ATRNL1: variants seen among roughly 807,000 people sequenced by gnomAD.
The protein encoded by ATRNL1 is attractin like 1.
A neutral mutation model predicts 182.7 loss-of-function variants in ATRNL1; 95 were observed. The observed-to-expected ratio is 0.52, with a 90% CI of 0.44 to 0.62. The LOEUF (loss-of-function observed/expected upper bound fraction) is 0.62. Ranked by LOEUF, ATRNL1 falls within the 20% of genes least tolerant of loss-of-function variation. The probability of loss-of-function intolerance (pLI) is 0.00; values close to 1 mark genes in which losing one functional copy is unlikely to be tolerated. For synonymous variants in ATRNL1, 576 were observed against 568.3 expected, an observed-to-expected ratio of 1.01 and a Z score of -0.19; for missense variants, 1,471 against 1,679.5, an observed-to-expected ratio of 0.88 and a Z score of 2.17.
rs111842588 is a variant in ATRNL1 at position 115,460,413 on chromosome 10, T to TA, written c.3323-1517dup. Among the ~76,000 whole-genome samples the TA allele has an allele frequency of 6.1e-3, 904 of 148,880 alleles. 6 individuals carry two copies. The highest frequency in any genetic ancestry group is 0.041 in the East Asian group (212 of 5,122). On this transcript the variant is annotated intron_variant, in intron 21 of 28. Coordinates refer to ENST00000355044, the MANE Select transcript of ATRNL1 (RefSeq NM_207303.4). ...TTTTTGCTTGGTCTTAGGAAAAAAT[T>TA]AAAAAAAAAAATAAAACTTTGCCTT...
At chr10:115,642,462 A>G (rs995630265) in intron 26 of ATRNL1, among the ~76,000 whole-genome samples, 1 of 146,904 alleles carries the variant, frequency 6.8e-6, no homozygotes, top group East Asian at 2.0e-4. Context: ...TTTTTTTTTG[A>G]GATGGAGTTT....
intron 27 of ATRNL1, among the ~76,000 whole-genome samples, chr10:115,845,194 A>G (rs1396672301): frequency 2.6e-5 from 4 of 152,114 alleles, no homozygotes; most frequent in African/African-American, 9.6e-5. Context: ...TATTTTACCT[A>G]AAATAGACTA....
intron 26 of ATRNL1, among the ~76,000 whole-genome samples, chr10:115,678,042 G>C (rs543499295): frequency 1.3e-5 from 2 of 152,142 alleles, no homozygotes; most frequent in South Asian, 4.1e-4. Flanking sequence ...GTTTACTTTT[G>C]GACTACCAGG....
At chr10:115,255,650 C>T (rs1177772763) in intron 10 of ATRNL1, among the ~76,000 whole-genome samples, 3 of 152,030 alleles carry the variant, frequency 2.0e-5, no homozygotes, top group Admixed American at 2.0e-4. Context: ...GCTTGATTGC[C>T]CTGGCCAGAA....
intron 24 of ATRNL1, among the ~76,000 whole-genome samples, chr10:115,517,804 T>C (rs1245066494): frequency 6.6e-6 from 1 of 151,918 alleles, no homozygotes; most frequent in Admixed American, 6.6e-5. Context: ...ATTTAAGTTC[T>C]TGTTGACAAT....
intron 25 of ATRNL1, among the ~76,000 whole-genome samples, chr10:115,549,028 C>A (rs1852819578): frequency 6.6e-6 from 1 of 151,662 alleles, no homozygotes; most frequent in Admixed American, 6.6e-5. Flanking sequence ...TTAATATGTT[C>A]ATATATAAAG....
chr10:115,810,367 C>T (rs1169933438), intron 27 of ATRNL1, among the ~76,000 whole-genome samples: 2 of 151,874 alleles, frequency 1.3e-5, no homozygotes, highest in Non-Finnish European at 1.5e-5. Context: ...GATATTATGT[C>T]GTCCTCAAAT....
chr10:115,270,146 A>G lies in ATRNL1; in HGVS notation c.2100+1702A>G, dbSNP rs980392816. Reference sequence around the variant, plus strand: ...AGTAGAAGTCGGAGTTAAATAAAATAAGACATGGGAATCAGGGACTTGTAT... The same window carrying G: ...AGTAGAAGTCGGAGTTAAATAAAATGAGACATGGGAATCAGGGACTTGTAT... On this transcript the variant is annotated intron_variant, in intron 13 of 28. Coordinates refer to ENST00000355044, the MANE Select transcript of ATRNL1 (RefSeq NM_207303.4). 1.7e-4 allele frequency among the ~76,000 whole-genome samples: 26 copies of G among 150,446 alleles called. No individual in the cohort carries two copies. The South Asian group carries it at 4.8e-3, about 28-fold the overall frequency.
chr10:115,800,275 C>T (rs572458890), intron 27 of ATRNL1, among the ~76,000 whole-genome samples: 1 of 151,864 alleles, frequency 6.6e-6, no homozygotes, highest in South Asian at 2.1e-4. Flanking sequence ...GTCTCTTGCC[C>T]AAGAGCTGTG....
chr10:115,930,645 C>G (rs1054444973), intron 28 of ATRNL1, among the ~76,000 whole-genome samples: 5 of 152,180 alleles, frequency 3.3e-5, no homozygotes, highest in African/African-American at 4.8e-5. Flanking sequence ...AGGCATCTCA[C>G]TCAACATTTT....
intron 21 of ATRNL1, among the ~76,000 whole-genome samples, chr10:115,457,617 T>A (rs1554968976): frequency 1.3e-5 from 2 of 152,062 alleles, no homozygotes; most frequent in Non-Finnish European, 2.9e-5. Flanking sequence ...CCCCTCATCC[T>A]CCATTCTCTT....
At position 115,944,928 on chromosome 10, in the gene ATRNL1, G is replaced by A; in HGVS notation, c.*149G>A. 1.1e-6 allele frequency: 1 copy of A among 918,766 alleles called. No homozygotes were observed. The highest frequency in any genetic ancestry group is 3.7e-5 in the South Asian group (1 of 27,100). 56.9% of individuals were successfully genotyped at this position (918,766 alleles called of 1,614,324 possible). ...CTTCCAAATGGACAATGACCCAGGT[G>A]GCCAAAGAATGTTCATGAGTTTTAT... On this transcript the variant is annotated 3_prime_UTR_variant, in exon 29 of 29. Coordinates refer to ENST00000355044, the MANE Select transcript of ATRNL1 (RefSeq NM_207303.4).
At chr10:115,225,283 C>T (rs1253301759) in intron 9 of ATRNL1, among the ~76,000 whole-genome samples, 4 of 151,522 alleles carry the variant, frequency 2.6e-5, no homozygotes, top group Admixed American at 2.6e-4. Context: ...GATAAAACCT[C>T]TGGTGAACTA....
intron 19 of ATRNL1, among the ~76,000 whole-genome samples, chr10:115,365,958 G>A (rs1173204277): frequency 1.3e-5 from 2 of 152,178 alleles, no homozygotes; most frequent in African/African-American, 4.8e-5. Flanking sequence ...GTCAATTTTA[G>A]AATAGGTGTG....
intron 20 of ATRNL1, among the ~76,000 whole-genome samples, chr10:115,406,387 A>G (rs1034704723): frequency 1.4e-4 from 21 of 152,252 alleles, no homozygotes; most frequent in African/African-American, 5.1e-4. Flanking sequence ...ACAAATGCAT[A>G]CATTTTGTTG....
intron 28 of ATRNL1, among the ~76,000 whole-genome samples, chr10:115,891,492 A>G (rs1291544327): frequency 7.9e-5 from 12 of 152,210 alleles, no homozygotes; most frequent in African/African-American, 2.9e-4. Context: ...AGCAAATTAT[A>G]TTGTGCATAT....
chr10:115,277,137 A>G (rs1195769772), intron 13 of ATRNL1, among the ~76,000 whole-genome samples: 2 of 148,712 alleles, frequency 1.3e-5, no homozygotes, highest in East Asian at 4.1e-4. Flanking sequence ...TAATATTTAT[A>G]TACTATATGA....
chr10:115,421,258 G>A (rs1182254796), intron 20 of ATRNL1, among the ~76,000 whole-genome samples: 13 of 151,974 alleles, frequency 8.6e-5, no homozygotes, highest in African/African-American at 3.1e-4. Context: ...AAAACTACAG[G>A]CCAATATCCC....
chr10:115,803,106 G>C lies in ATRNL1; in HGVS notation c.3904-44771G>C, dbSNP rs564019283. 2.0e-5 allele frequency among the ~76,000 whole-genome samples: 3 copies of C among 152,264 alleles called. No homozygotes were observed. The East Asian group carries it at 5.8e-4, about 29-fold the overall frequency. ...CCACACAGCCAGTACTAGAAATGCTGTCATGTAACCACTAAGACCACACTA... is the reference window on the plus strand; with the variant it reads ...CCACACAGCCAGTACTAGAAATGCTCTCATGTAACCACTAAGACCACACTA... On this transcript the variant is annotated intron_variant, in intron 27 of 28. Coordinates refer to ENST00000355044, the MANE Select transcript of ATRNL1 (RefSeq NM_207303.4).
Sources: gnomAD v4.1 joint callset for allele counts (sites outside exome capture counted in the v4.1 genomes callset) on GRCh38, gnomAD v4.1.1 for gene constraint, MANE v1.5 for transcripts, NCBI Gene and HGNC (gene_info 2026-07-23, HGNC 2026-07-21) for gene names.